Variants in RAD17 observed in about 807,000 individuals in gnomAD.
The protein encoded by RAD17 is RAD17 checkpoint clamp loader component.
A neutral mutation model predicts 81.5 loss-of-function variants in RAD17; 31 were observed. That is an observed-to-expected ratio of 0.38 (90% CI 0.29 to 0.51). The LOEUF (loss-of-function observed/expected upper bound fraction) is 0.51. RAD17 is among the 20% of genes least tolerant of loss of function. The pLI, the probability that RAD17 is intolerant of heterozygous loss-of-function variation, is 0.88. For synonymous variants in RAD17, 261 were observed against 266.2 expected, an observed-to-expected ratio of 0.98 and a Z score of 0.19; for missense variants, 681 against 781.2, an observed-to-expected ratio of 0.87 and a Z score of 1.53.
intron 15 of RAD17, among the ~76,000 whole-genome samples, chr5:69,394,630 A>C (rs1764769887): frequency 6.6e-6 from 1 of 152,198 alleles, no homozygotes; most frequent in East Asian, 1.9e-4. Flanking sequence ...CATACTAGCC[A>C]CATCTCCAGT....
upstream of RAD17, chr5:69,369,533 T>G: frequency 6.2e-7 from 1 of 1,611,150 alleles, no homozygotes. Flanking sequence ...TCACGTGCCC[T>G]TTGCTCTACA....
intron 6 of RAD17, among the ~76,000 whole-genome samples, chr5:69,375,361 A>G (rs1408993469): frequency 6.6e-6 from 1 of 152,194 alleles, no homozygotes; most frequent in Non-Finnish European, 1.5e-5. Flanking sequence ...AATATAGCCA[A>G]AAACAGTCAT....
intron 17 of RAD17, among the ~76,000 whole-genome samples, chr5:69,406,589 C>T (rs2150878854): frequency 6.6e-6 from 1 of 152,116 alleles, no homozygotes; most frequent in South Asian, 2.1e-4. Context: ...GCAGCCTAAA[C>T]CTCCTTGGCC....
intron 17 of RAD17, among the ~76,000 whole-genome samples, chr5:69,405,705 C>T (rs1335712242): frequency 1.3e-5 from 2 of 151,516 alleles, no homozygotes; most frequent in Non-Finnish European, 2.9e-5. Context: ...AATAGAACTA[C>T]CATATGATCC....
At chr5:69,379,039 C>T (rs921866088) in intron 6 of RAD17, among the ~76,000 whole-genome samples, 1 of 152,088 alleles carries the variant, frequency 6.6e-6, no homozygotes, top group African/African-American at 2.4e-5. Context: ...GTCAGGAATT[C>T]GAGACCAGCC....
chr5:69,402,772 TTC>T (rs1010193128), intron 17 of RAD17, among the ~76,000 whole-genome samples: 1 of 152,238 alleles, frequency 6.6e-6, no homozygotes, highest in Non-Finnish European at 1.5e-5. Context: ...CCTGATTATA[TTC>T]TCTCTCTTTA....
intron 1 of RAD17, chr5:69,370,345 CTTTT>C (rs1367146496): frequency 2.0e-5 from 3 of 152,234 alleles, no homozygotes; most frequent in African/African-American, 7.2e-5. Flanking sequence ...CAGTCTGCAC[CTTTT>C]TTTGTTTGTT....
chr5:69,386,836 CAT>C (rs1764243188), intron 11 of RAD17, among the ~76,000 whole-genome samples: 1 of 151,480 alleles, frequency 6.6e-6, no homozygotes, highest in South Asian at 2.1e-4. Context: ...TGGTGAAAAA[CAT>C]GTATCATAAA....
At chr5:69,400,017 C>T in intron 16 of RAD17, 32 bp from the exon 17 acceptor site, 2 of 1,431,788 alleles carry the variant, frequency 1.4e-6, no homozygotes, top group Non-Finnish European at 1.9e-6. Flanking sequence ...TTTCATTTTT[C>T]CTTTCATCTT....
chr5:69,410,159 G>T (rs1299763683), intron 17 of RAD17, among the ~76,000 whole-genome samples: 1 of 151,906 alleles, frequency 6.6e-6, no homozygotes, highest in Non-Finnish European at 1.5e-5. Context: ...AATTATTTTG[G>T]GTATATACCC....
chr5:69,413,934 G>A (rs1413229793), intron 18 of RAD17, 97 bp from the exon 19 acceptor site: 2 of 1,427,296 alleles, frequency 1.4e-6, no homozygotes, highest in African/African-American at 1.4e-5. Flanking sequence ...CACAATGTAG[G>A]TAAATGAAAG....
rs773103298 is a variant in RAD17 at position 69,374,063 on chromosome 5, G to A, written c.243G>A (p.Val81=). ...ATCTGTCTGAAAATGAACCATGGGT[G>A]GATAAATATAAACCAGAAACTCAGG... The part of the protein sequence containing the change: ...KEYLSENEPW[V]DKYKPETQHE... The change falls in exon 5 of 19, where the codon GTG becomes GTA. Residue 81 remains valine, a synonymous_variant. Transcript: ENST00000354868. The A allele has an allele frequency of 1.9e-6, 3 of 1,608,022 alleles. No individual in the cohort carries two copies. Among genetic ancestry groups the A allele is most frequent in the Middle Eastern group, 1.7e-4 (1 of 6,038 alleles).
At position 69,400,431 on chromosome 5, in the gene RAD17, T is replaced by C. The variant is rs1354622936; in HGVS notation, c.1693+262T>C. On this transcript the variant is annotated intron_variant, in intron 17 of 18. Coordinates refer to ENST00000354868, the MANE Select transcript of RAD17 (RefSeq NM_133338.3). ...TGGGGTTTCACTGTATTAGCCAGGATGGTCTCGATCTCCTGACCTTGTGAT... is the reference window on the plus strand; with the variant it reads ...TGGGGTTTCACTGTATTAGCCAGGACGGTCTCGATCTCCTGACCTTGTGAT... Among the ~76,000 whole-genome samples, 4 of 151,996 alleles carry C rather than the reference T, an allele frequency of 2.6e-5. No homozygotes were observed. In the East Asian group the frequency reaches 7.8e-4, roughly 29 times the overall value.
rs141302231 is a variant in RAD17 at position 69,397,737 on chromosome 5, G to A, written c.1572+1191G>A. Among the ~76,000 whole-genome samples the A allele has an allele frequency of 3.3e-3, 506 of 152,188 alleles. 2 individuals are homozygous for A. Among genetic ancestry groups the A allele is most frequent in the Non-Finnish European group, 5.6e-3 (379 of 67,990 alleles). ...TTTTTTTGTTTTTGGTTTTTGAGAC[G>A]GAGCCTCGCTGGCCAGGAGGAATAA... On this transcript the variant is annotated intron_variant, in intron 16 of 18. Coordinates refer to ENST00000354868, the MANE Select transcript of RAD17 (RefSeq NM_133338.3).
upstream of RAD17, chr5:69,369,711 G>T: frequency 6.4e-7 from 1 of 1,551,480 alleles, no homozygotes; most frequent in South Asian, 1.2e-5. Context: ...CATAACTCGG[G>T]TCGGTACTTC....
intron 4 of RAD17, among the ~76,000 whole-genome samples, chr5:69,373,602 G>C (rs967176864): frequency 6.6e-6 from 1 of 151,466 alleles, no homozygotes; most frequent in South Asian, 2.1e-4. Context: ...TTACTCAAGA[G>C]GCTGAGGCTG....
At position 69,384,817 on chromosome 5, in the gene RAD17, C is replaced by A; in HGVS notation, c.529C>A (p.Pro177Thr). 6.2e-7 allele frequency: 1 copy of A among 1,606,136 alleles called. No individual in the cohort carries two copies. Residue 177 changes from proline to threonine, a missense_variant, in exon 8 of 19, where the codon CCC becomes ACC. By Grantham distance (38) the Pro-to-Thr change is conservative. Coordinates refer to ENST00000354868, the MANE Select transcript of RAD17 (RefSeq NM_133338.3). ...TTCAGAATCAAGCTTCCATATGTTT[C>A]CCTATCAGTCTCAGATAGCAGTTTT... The part of the protein sequence containing the change: ...FNTESSFHMF[P>T]YQSQIAVFKE...
At chr5:69,373,386 T>C (rs2150765400) in intron 4 of RAD17, among the ~76,000 whole-genome samples, 1 of 152,308 alleles carries the variant, frequency 6.6e-6, no homozygotes, top group East Asian at 1.9e-4. Flanking sequence ...GACAGAGTTT[T>C]ATTTAAAAAG....
At chr5:69,374,796 T>A in intron 6 of RAD17, 85 bp downstream of exon 6, 1 of 1,191,342 alleles carries the variant, frequency 8.4e-7, no homozygotes, top group Non-Finnish European at 1.2e-6. Flanking sequence ...AGTTTTATGA[T>A]GATTTTGTTC....
Sources: allele counts gnomAD v4.1 joint callset (sites outside exome capture counted in the v4.1 genomes callset), GRCh38; gene constraint gnomAD v4.1.1; transcripts MANE v1.5; gene names NCBI Gene and HGNC (gene_info 2026-07-23, HGNC 2026-07-21).